POU6F2: variants seen among roughly 807,000 people sequenced by gnomAD.
POU6F2 encodes POU class 6 homeobox 2.
POU6F2 carries 31 observed loss-of-function variants against 71.3 expected under a neutral mutation model. The observed-to-expected ratio is 0.43, with a 90% CI of 0.33 to 0.59. POU6F2 has a LOEUF of 0.59. Ranked by LOEUF, POU6F2 falls within the 20% of genes least tolerant of loss-of-function variation. The pLI is 0.04. For missense variants in POU6F2, 783 were observed against 856.8 expected (o/e 0.91, Z 1.07); for synonymous variants, 347 against 355.7 (o/e 0.98, Z 0.27).
chr7:39,058,733 G>C (rs1790588122), intron 1 of POU6F2, among the ~76,000 whole-genome samples: 1 of 152,092 alleles, frequency 6.6e-6, no homozygotes. Context: ...ATACGTAAAT[G>C]GGTTTATTTA....
rs1156752735 is a variant in POU6F2 at position 39,354,710 on chromosome 7, G to T, written c.972+14695G>T. Reference sequence around the variant, plus strand: ...AAAGGAGACCCTAAAACACAAAGAAGGAGACCCAGTCTAGCCATTTCATTA... The same window carrying T: ...AAAGGAGACCCTAAAACACAAAGAATGAGACCCAGTCTAGCCATTTCATTA... On this transcript the variant is annotated intron_variant, in intron 5 of 9. Transcript: ENST00000518318. Among the ~76,000 whole-genome samples, 2 of 152,156 alleles carry T rather than the reference G, an allele frequency of 1.3e-5. 1 individual carries two copies. Among genetic ancestry groups the T allele is most frequent in the East Asian group, 3.8e-4 (2 of 5,198 alleles).
At chr7:39,097,942 T>A (rs1791486878) in intron 2 of POU6F2, among the ~76,000 whole-genome samples, 1 of 152,194 alleles carries the variant, frequency 6.6e-6, no homozygotes, top group South Asian at 2.1e-4. Context: ...AAACCTCATT[T>A]GAGAAAAAAA....
chr7:39,403,720 G>A lies in POU6F2; in HGVS notation c.973-2880G>A, dbSNP rs534411567. 4.7e-4 allele frequency among the ~76,000 whole-genome samples: 71 copies of A among 152,286 alleles called. 1 individual carries two copies. The East Asian group carries it at 5.4e-3, about 12-fold the overall frequency. The stretch of plus-strand genomic sequence containing the variant: ...TGACCCGAGGTGATGAGAAGAACAC[G>A]TGTGGTTTCCTGACCAACCCCTTCA... On this transcript the variant is annotated intron_variant, in intron 5 of 9. Coordinates refer to ENST00000518318, the MANE Select transcript of POU6F2 (RefSeq NM_001370959.1).
chr7:39,404,978 T>C (rs758531827), intron 5 of POU6F2: 7 of 152,202 alleles, frequency 4.6e-5, no homozygotes, highest in African/African-American at 7.2e-5. Context: ...GGTTTCTCTT[T>C]AGGCTGATGA....
intron 4 of POU6F2, among the ~76,000 whole-genome samples, chr7:39,271,494 G>A (rs1245837245): frequency 2.9e-5 from 4 of 136,752 alleles, no homozygotes; most frequent in Non-Finnish European, 4.7e-5. Context: ...CTCAATCAGT[G>A]AAAAAAAAAA....
intron 2 of POU6F2, among the ~76,000 whole-genome samples, chr7:39,151,407 G>C (rs1164672934): frequency 6.6e-6 from 1 of 152,174 alleles, no homozygotes; most frequent in Non-Finnish European, 1.5e-5. Flanking sequence ...CCATTAGCTA[G>C]TGGTGATGAC....
chr7:39,281,342 C>A (rs1481517094), intron 4 of POU6F2, among the ~76,000 whole-genome samples: 1 of 151,988 alleles, frequency 6.6e-6, no homozygotes, highest in African/African-American at 2.4e-5. Context: ...TTGAAATATA[C>A]AATACAATAT....
chr7:39,009,700 A>C (rs904892903), intron 1 of POU6F2, among the ~76,000 whole-genome samples: 1 of 151,972 alleles, frequency 6.6e-6, no homozygotes, highest in Admixed American at 6.6e-5. Context: ...ACGTCCCATC[A>C]ATACCTAATT....
At chr7:39,172,442 A>G (rs371471140) in intron 2 of POU6F2, among the ~76,000 whole-genome samples, 1 of 152,244 alleles carries the variant, frequency 6.6e-6, no homozygotes, top group East Asian at 1.9e-4. Context: ...ACCCTATAGA[A>G]CTTAACATAG....
intron 1 of POU6F2, among the ~76,000 whole-genome samples, chr7:39,081,394 C>T (rs1791115085): frequency 2.0e-5 from 3 of 152,168 alleles, no homozygotes; most frequent in Non-Finnish European, 2.9e-5. Context: ...AAAGTTAGAT[C>T]GACTTCTTTC....
chr7:39,332,135 T>C (rs1785668026), intron 4 of POU6F2, among the ~76,000 whole-genome samples: 1 of 152,248 alleles, frequency 6.6e-6, no homozygotes, highest in Non-Finnish European at 1.5e-5. Flanking sequence ...TGCTTCATAT[T>C]TGGATTGTGA....
intron 1 of POU6F2, among the ~76,000 whole-genome samples, chr7:38,989,783 G>A (rs1162451575): frequency 6.7e-6 from 1 of 150,032 alleles, no homozygotes; most frequent in East Asian, 1.9e-4. Flanking sequence ...AGGATATTAG[G>A]CACTGTTCTG....
At chr7:39,208,270 T>C (rs1794064645) in intron 4 of POU6F2, among the ~76,000 whole-genome samples, 2 of 152,182 alleles carry the variant, frequency 1.3e-5, no homozygotes, top group Admixed American at 1.3e-4. Context: ...CTTTAAAAGA[T>C]TTGGTAGCAT....
At position 39,213,319 on chromosome 7, in the gene POU6F2, A is replaced by C. The variant is rs551534587; in HGVS notation, c.598+5699A>C. On this transcript the variant is annotated intron_variant, in intron 4 of 9. Coordinates refer to ENST00000518318, the MANE Select transcript of POU6F2 (RefSeq NM_001370959.1). ...TGACTCCCCAAATTAAAGCCTGTGG[A>C]TGCTGAAGTACCTGGGAATAGTTTG... is the stretch of plus-strand genomic sequence containing the variant. Among the ~76,000 whole-genome samples the C allele has an allele frequency of 6.1e-4, 93 of 152,332 alleles. 2 individuals carry two copies. In the South Asian group the frequency reaches 0.019, roughly 32 times the overall value.
At chr7:39,289,884 G>T (rs1236647505) in intron 4 of POU6F2, among the ~76,000 whole-genome samples, 1 of 152,136 alleles carries the variant, frequency 6.6e-6, no homozygotes, top group African/African-American at 2.4e-5. Context: ...CCTCCTCACA[G>T]TTGCTGTCAG....
At chr7:39,006,124 C>T (rs1444175541) in intron 1 of POU6F2, among the ~76,000 whole-genome samples, 1 of 152,136 alleles carries the variant, frequency 6.6e-6, no homozygotes, top group African/African-American at 2.4e-5. Flanking sequence ...GGGGCATGGA[C>T]AAGCATCTTA....
At chr7:39,167,438 A>G (rs1477245107) in intron 2 of POU6F2, among the ~76,000 whole-genome samples, 1 of 152,128 alleles carries the variant, frequency 6.6e-6, no homozygotes, top group Non-Finnish European at 1.5e-5. Context: ...TAAAATATTT[A>G]CAAATATTAA....
At chr7:39,183,351 A>AGG (rs1356591970) in intron 2 of POU6F2, among the ~76,000 whole-genome samples, 5 of 152,178 alleles carry the variant, frequency 3.3e-5, no homozygotes, top group Non-Finnish European at 7.3e-5. Context: ...CACAGACTAC[A>AGG]AAGGAAGCAT....
intron 2 of POU6F2, among the ~76,000 whole-genome samples, chr7:39,114,397 G>T (rs550967851): frequency 1.3e-5 from 2 of 152,254 alleles, no homozygotes; most frequent in South Asian, 2.1e-4. Context: ...ATGCATAGGT[G>T]AGTCTTAAAA....
Sources: allele counts gnomAD v4.1 joint callset (sites outside exome capture counted in the v4.1 genomes callset), GRCh38; gene constraint gnomAD v4.1.1; transcripts MANE v1.5; gene names NCBI Gene and HGNC (gene_info 2026-07-23, HGNC 2026-07-21).